The following VEZF1 variants were observed in gnomAD, a reference collection of about 807,000 sequenced individuals.
The protein encoded by VEZF1 is putative transcription factor DB1.
A neutral mutation model predicts 44.1 loss-of-function variants in VEZF1; 5 were observed. The observed-to-expected ratio is 0.11, with a 90% CI of 0.06 to 0.24. VEZF1 has a LOEUF of 0.24. Ranked by LOEUF, VEZF1 falls within the 10% of genes least tolerant of loss-of-function variation. VEZF1 has a pLI of 1.00. For missense variants in VEZF1, 358 were observed against 641.8 expected, an observed-to-expected ratio of 0.56 and a Z score of 4.78; for synonymous variants, 236 against 233.1, an observed-to-expected ratio of 1.01 and a Z score of -0.11.
chr17:57,987,996 G>A (rs2075316614), intron 1 of VEZF1, 83 bp downstream of exon 1: 2 of 187,830 alleles, frequency 1.1e-5, no homozygotes, highest in East Asian at 1.3e-4. Flanking sequence ...GGGAGGGAGG[G>A]GAGGAGGAGC....
At chr17:57,986,186 A>T (rs547811296) in intron 1 of VEZF1, 1 of 152,244 alleles carries the variant, frequency 6.6e-6, no homozygotes, top group Non-Finnish European at 1.5e-5. Context: ...TAAAAAGTTG[A>T]TCAATAAACG....
Position 57,980,855 on chromosome 17 carries a change from A to G in VEZF1, c.793-69T>C, listed in dbSNP as rs1039988553. ...TTCTACTCATTTTGAAGTACGTTAT[A>G]TTCTGTGCATTACCCTATCCACATC... On this transcript the variant is annotated intron_variant, in intron 3 of 5. Transcript: ENST00000581208. The G allele has an allele frequency of 6.0e-6, 9 of 1,489,864 alleles. 1 individual carries two copies. The highest frequency in any genetic ancestry group is 3.5e-4 in the Middle Eastern group (2 of 5,708). 92.3% of individuals were successfully genotyped at this position (1,489,864 alleles called of 1,614,324 possible).
intron 5 of VEZF1, among the ~76,000 whole-genome samples, chr17:57,975,313 A>G (rs968706341): frequency 6.6e-6 from 1 of 152,256 alleles, no homozygotes; most frequent in African/African-American, 2.4e-5. Context: ...AGGCCAGGCT[A>G]AAGAGCTTGT....
Position 57,974,707 on chromosome 17 carries a change from A to T in VEZF1, c.1332T>A (p.His444Gln), listed in dbSNP as rs1197076633. The change falls in exon 6 of 6, where the codon CAT (histidine) becomes CAA (glutamine). Residue 444 changes from histidine (H) to glutamine (Q), a missense_variant. His to Gln is a conservative substitution (Grantham distance 24). Transcript: ENST00000581208. ...VNITSPMNIG[H>Q]PVTITSPLSM... ...ATAATGGACTGGTTATAGTTACAGG[A>T]TGCCCTATGTTCATTGGGCTGGTTA... 3.1e-6 allele frequency: 5 copies of T among 1,614,026 alleles called. No individual in the cohort carries two copies. Among genetic ancestry groups the T allele is most frequent in the Non-Finnish European group, 4.2e-6 (5 of 1,180,048 alleles).
In VEZF1 at chr17:57,982,263, G is replaced by A. The variant is rs533522261; in HGVS notation, c.729-327C>T. On this transcript the variant is annotated intron_variant, in intron 2 of 5. Coordinates refer to ENST00000581208, the MANE Select transcript of VEZF1 (RefSeq NM_007146.3). Reference sequence around the variant, plus strand: ...ATTAACTCTAAAAGCTTTTATAAATGAAAATTAGTGAAATGTTGGTGCTCT... The same window carrying A: ...ATTAACTCTAAAAGCTTTTATAAATAAAAATTAGTGAAATGTTGGTGCTCT... Among the ~76,000 whole-genome samples the A allele has an allele frequency of 2.6e-5, 4 of 152,280 alleles. No individual in the cohort carries two copies. The East Asian group carries it at 7.7e-4, about 29-fold the overall frequency.
rs532205407 is a variant in VEZF1 at position 57,983,313 on chromosome 17, A to G, written c.114T>C (p.Pro38=). Residue 38 remains proline (P), a synonymous_variant, in exon 2 of 6, where the codon CCT becomes CCC. Coordinates refer to ENST00000581208, the MANE Select transcript of VEZF1 (RefSeq NM_007146.3). The part of the protein sequence containing the change: ...LPLLSSAVEP[P]DQKPLLPIPI... ...GTATTGGAAGCAATGGTTTCTGATCAGGGGGCTCCACGGCAGAGCTCAGGA... is the reference window on the plus strand; with the variant it reads ...GTATTGGAAGCAATGGTTTCTGATCGGGGGGCTCCACGGCAGAGCTCAGGA... The G allele has an allele frequency of 6.2e-6, 10 of 1,613,798 alleles. No homozygotes were observed. The highest frequency in any genetic ancestry group is 5.5e-5 in the South Asian group (5 of 91,020).
chr17:57,972,219 C>A lies in VEZF1; in HGVS notation c.*2254G>T, dbSNP rs377280058. The A allele has an allele frequency of 6.6e-6, 1 of 152,168 alleles. No homozygotes were observed. The highest frequency in any genetic ancestry group is 2.1e-4 in the South Asian group (1 of 4,814). 9.4% of individuals were successfully genotyped at this position (152,168 alleles called of 1,614,324 possible). On this transcript the variant is annotated 3_prime_UTR_variant, in exon 6 of 6. Transcript: ENST00000581208. ...ACTAATACTTTCAGGGTTCTGACAA[C>A]CACATTCTAGCTTAGGGGTAGGGCC... is the stretch of plus-strand genomic sequence containing the variant.
At chr17:57,980,158 G>C (rs542316473) in intron 4 of VEZF1, among the ~76,000 whole-genome samples, 1 of 152,114 alleles carries the variant, frequency 6.6e-6, no homozygotes, top group East Asian at 1.9e-4. Context: ...TTGAGAATTT[G>C]ATGTTTCTAC....
intron 1 of VEZF1, among the ~76,000 whole-genome samples, chr17:57,984,990 CT>C (rs1555573680): frequency 1.3e-5 from 2 of 152,224 alleles, no homozygotes; most frequent in Non-Finnish European, 2.9e-5. Context: ...AAGGGTCTAT[CT>C]ACCCAGGTGA....
rs934699186 is a variant in VEZF1 at position 57,982,988 on chromosome 17, T to C, written c.439A>G (p.Asn147Asp). 2.0e-5 allele frequency: 33 copies of C among 1,614,016 alleles called. No homozygotes were observed. The highest frequency in any genetic ancestry group is 2.7e-5 in the Non-Finnish European group (32 of 1,180,032). The change falls in exon 2 of 6, where the codon AAC (asparagine) becomes GAC (aspartate). Residue 147 changes from asparagine to aspartate, a missense_variant. Asn to Asp is a conservative substitution (Grantham distance 23). Transcript: ENST00000581208. ...GTGGTGCTGGCACTGCTACTGGGGT[T>C]GGTGCCCGAGGAAGATGTAGTGACT... ...STVTTSSSGTNPSSSASTTAM... is the reference protein window; with the variant it reads ...STVTTSSSGTDPSSSASTTAM...
rs2143311882 is a variant in VEZF1 at position 57,974,016 on chromosome 17, A to C, written c.*457T>G. Reference sequence around the variant, plus strand: ...CATGTATTTACTCATAAAAACAATAAACACAGACAATTCTACACTAGCTCT... The same window carrying C: ...CATGTATTTACTCATAAAAACAATACACACAGACAATTCTACACTAGCTCT... On this transcript the variant is annotated 3_prime_UTR_variant, in exon 6 of 6. Transcript: ENST00000581208. 6.0e-6 allele frequency: 1 copy of C among 165,738 alleles called. No individual in the cohort carries two copies. The highest frequency in any genetic ancestry group is 1.6e-4 in the South Asian group (1 of 6,282). 10.3% of individuals were successfully genotyped at this position (165,738 alleles called of 1,614,324 possible).
intron 5 of VEZF1, among the ~76,000 whole-genome samples, chr17:57,976,427 A>C (rs190787181): frequency 4.5e-4 from 69 of 152,252 alleles, no homozygotes; most frequent in African/African-American, 1.3e-3. Flanking sequence ...AACAAAAAAA[A>C]CCCAACAAAA....
chr17:57,984,681 A>AAC (rs1181648712), intron 1 of VEZF1, among the ~76,000 whole-genome samples: 2 of 152,126 alleles, frequency 1.3e-5, no homozygotes, highest in African/African-American at 4.8e-5. Context: ...AACAAAGAGA[A>AAC]ACACACACAC....
At chr17:57,987,758 G>A (rs977078771) in intron 1 of VEZF1, among the ~76,000 whole-genome samples, 3 of 151,992 alleles carry the variant, frequency 2.0e-5, no homozygotes, top group Non-Finnish European at 4.4e-5. Flanking sequence ...GCCGCGGGGT[G>A]GTGACAGCGA....
chr17:57,976,496 T>A (rs567630141), intron 5 of VEZF1, among the ~76,000 whole-genome samples: 1 of 152,208 alleles, frequency 6.6e-6, no homozygotes. Flanking sequence ...TTGGGAAATG[T>A]GTATTTTTAA....
At chr17:57,977,085 G>A (rs927402410) in intron 5 of VEZF1, among the ~76,000 whole-genome samples, 1 of 151,816 alleles carries the variant, frequency 6.6e-6, no homozygotes, top group Non-Finnish European at 1.5e-5. Flanking sequence ...CCCATTGCCC[G>A]TCCCCTCTCC....
At position 57,988,105 on chromosome 17, in the gene VEZF1, C is replaced by T; in HGVS notation, c.7G>A (p.Ala3Thr). 1 of 826,198 alleles carries T rather than the reference C, an allele frequency of 1.2e-6. No homozygotes were observed. Among genetic ancestry groups the T allele is most frequent in the Non-Finnish European group, 1.6e-6 (1 of 642,744 alleles). The allele number at this position is 826,198 out of a possible 1,614,324, so 51.2% of individuals were successfully genotyped here. ME[A>T]NWTAFLFQAH... ...TGGAACAGGAACGCGGTCCAGTTGG[C>T]CTCCATGGCTGCGGCGGCCGACCCC... The change falls in exon 1 of 6, where the codon GCC becomes ACC. Residue 3 changes from alanine to threonine, a missense_variant. Physicochemically the swap from Ala to Thr is moderately conservative, Grantham distance 58. This residue lies in a region of VEZF1 where 22 missense variants were observed against 17.3 expected (regional missense o/e 1.27). Transcript: ENST00000581208.
At chr17:57,978,022 G>T (rs1046512488) in intron 5 of VEZF1, among the ~76,000 whole-genome samples, 1 of 151,896 alleles carries the variant, frequency 6.6e-6, no homozygotes, top group Non-Finnish European at 1.5e-5. Context: ...GGCCAACATG[G>T]CAAAACCCTG....
At chr17:57,982,218 C>T (rs2075255659) in intron 2 of VEZF1, among the ~76,000 whole-genome samples, 1 of 152,138 alleles carries the variant, frequency 6.6e-6, no homozygotes, top group South Asian at 2.1e-4. Flanking sequence ...TTAACACTTG[C>T]CAGAAACAGC....
Sources: allele counts gnomAD v4.1 joint callset (sites outside exome capture counted in the v4.1 genomes callset), GRCh38; gene constraint gnomAD v4.1.1; regional missense constraint gnomAD v4.1.1; transcripts MANE v1.5; gene names NCBI Gene and HGNC (gene_info 2026-07-23, HGNC 2026-07-21).